CTNNA2: variants seen among roughly 807,000 people sequenced by gnomAD.
The protein encoded by CTNNA2 is catenin alpha-2.
Under a neutral mutation model 101.0 loss-of-function variants are expected in CTNNA2, and 42 were observed. The ratio of observed to expected loss-of-function variants is 0.42; its 90% CI spans 0.32 to 0.54. CTNNA2 has a LOEUF of 0.54. CTNNA2 is among the 20% of genes least tolerant of loss of function. CTNNA2 has a pLI of 0.14. For synonymous variants in CTNNA2, 450 were observed against 456.4 expected (o/e 0.99, Z 0.18); for missense variants, 871 against 1,223.1 (o/e 0.71, Z 4.29).
intron 18 of CTNNA2, among the ~76,000 whole-genome samples, chr2:80,641,414 C>G: frequency 6.6e-6 from 1 of 152,130 alleles, no homozygotes; most frequent in East Asian, 1.9e-4. Context: ...ATTGATCTCT[C>G]TCTCCATGCA....
rs1558755090 is a variant in CTNNA2, at chr2:80,043,098, TCTCTC to T, written c.1056+133302_1056+133306del. On this transcript the variant is annotated intron_variant, in intron 7 of 18. Transcript: ENST00000402739. ...TTCTTTCTTTCTTTCTTTCTTTCTC[TCTCTC>T]TCTCTCTCTTTCTTTCTCCTTCCTT... Among the ~76,000 whole-genome samples the T allele has an allele frequency of 1.6e-3, 39 of 24,584 alleles. 3 individuals carry two copies. The highest frequency in any genetic ancestry group is 7.7e-3 in the African/African-American group (38 of 4,952). 16.1% of individuals were successfully genotyped at this position (24,584 alleles called of 152,430 possible).
At chr2:80,264,435 T>TA (rs1426621325) in intron 7 of CTNNA2, among the ~76,000 whole-genome samples, 1 of 152,154 alleles carries the variant, frequency 6.6e-6, no homozygotes, top group Non-Finnish European at 1.5e-5. Flanking sequence ...TTGTTTCAGG[T>TA]AAAAATGTAT....
intron 4 of CTNNA2, among the ~76,000 whole-genome samples, chr2:79,425,695 T>C (rs940562667): frequency 7.2e-5 from 11 of 152,158 alleles, no homozygotes; most frequent in Admixed American, 5.2e-4. Context: ...ATGGGCCACA[T>C]TCAAACCACA....
At chr2:79,304,655 T>A (rs1005099455) in intron 2 of CTNNA2, among the ~76,000 whole-genome samples, 2 of 152,210 alleles carry the variant, frequency 1.3e-5, no homozygotes, top group Non-Finnish European at 2.9e-5. Context: ...ATGGCACTAT[T>A]GTAAGAACTC....
At chr2:80,228,029 A>G (rs1378978344) in intron 7 of CTNNA2, among the ~76,000 whole-genome samples, 3 of 151,962 alleles carry the variant, frequency 2.0e-5, no homozygotes, top group Admixed American at 1.3e-4. Flanking sequence ...GTTAGTGTAC[A>G]GTGTGTACTG....
intron 1 of CTNNA2, among the ~76,000 whole-genome samples, chr2:79,544,131 T>C (rs1467633647): frequency 6.6e-6 from 1 of 152,174 alleles, no homozygotes; most frequent in Non-Finnish European, 1.5e-5. Context: ...AGTTACAGGG[T>C]TTCACCATAT....
chr2:79,914,162 G>A (rs1229833471), intron 7 of CTNNA2, among the ~76,000 whole-genome samples: 1 of 86,272 alleles, frequency 1.2e-5, no homozygotes. Context: ...GCGAGACTCC[G>A]TCTCAAAAAA....
At chr2:79,320,162 A>G (rs1391359463) in intron 3 of CTNNA2, among the ~76,000 whole-genome samples, 1 of 152,098 alleles carries the variant, frequency 6.6e-6, no homozygotes, top group African/African-American at 2.4e-5. Context: ...AGCTTCATCA[A>G]TGGCTGATGC....
intron 7 of CTNNA2, among the ~76,000 whole-genome samples, chr2:80,032,465 A>G (rs1695353354): frequency 6.6e-6 from 1 of 152,212 alleles, no homozygotes; most frequent in African/African-American, 2.4e-5. Flanking sequence ...TCTATGATCA[A>G]TCATCATCAC....
intron 3 of CTNNA2, among the ~76,000 whole-genome samples, chr2:79,797,884 CATTT>C (rs960203833): frequency 1.2e-4 from 18 of 151,848 alleles, no homozygotes; most frequent in African/African-American, 4.1e-4. Context: ...TTAAATGAAT[CATTT>C]ATTCTTCATT....
chr2:80,162,938 A>G (rs954169320), intron 7 of CTNNA2: 2 of 1,546,078 alleles, frequency 1.3e-6, no homozygotes, highest in Admixed American at 1.7e-5. Flanking sequence ...AATTTCCAAC[A>G]TGATATTGGG....
At chr2:79,662,922 C>T (rs1376369534) in intron 2 of CTNNA2, among the ~76,000 whole-genome samples, 2 of 152,184 alleles carry the variant, frequency 1.3e-5, no homozygotes, top group Non-Finnish European at 2.9e-5. Context: ...CTTTGCTTTA[C>T]TGTTTCCTGG....
rs1348961658 is a variant in CTNNA2 at position 79,762,955 on chromosome 2, G to A, written c.298+18373G>A. Among the ~76,000 whole-genome samples the A allele has an allele frequency of 5.3e-5, 8 of 152,130 alleles. No homozygotes were observed. In the East Asian group the frequency reaches 1.5e-3, roughly 29 times the overall value. On this transcript the variant is annotated intron_variant, in intron 3 of 18. Transcript: ENST00000402739. ...GCTTTTAGCTGTACTGTCGGGCTCT[G>A]TAACAAACTGTTTTTCAGAATTAGC...
intron 3 of CTNNA2, among the ~76,000 whole-genome samples, chr2:79,848,864 G>A (rs1233312677): frequency 6.6e-6 from 1 of 152,166 alleles, no homozygotes; most frequent in Admixed American, 6.5e-5. Context: ...ATTTTGTTAG[G>A]TGAGGAGAGT....
At chr2:80,520,888 G>C (rs1689487396) in intron 9 of CTNNA2, among the ~76,000 whole-genome samples, 2 of 152,176 alleles carry the variant, frequency 1.3e-5, no homozygotes, top group Non-Finnish European at 2.9e-5. Context: ...GGTATTTTCT[G>C]TGAGTTGAGA....
chr2:79,591,867 G>A (rs1676871431), intron 1 of CTNNA2, among the ~76,000 whole-genome samples: 1 of 150,294 alleles, frequency 6.7e-6, no homozygotes, highest in African/African-American at 2.4e-5. Context: ...TGTTATTTTG[G>A]AAGCTGTTTT....
At chr2:79,775,308 A>C (rs745609626) in intron 3 of CTNNA2, among the ~76,000 whole-genome samples, 2 of 152,052 alleles carry the variant, frequency 1.3e-5, no homozygotes, top group African/African-American at 2.4e-5. Context: ...TTTTCTCTCT[A>C]TTTTTAACTT....
At chr2:79,379,862 G>A (rs6709902) in intron 4 of CTNNA2, among the ~76,000 whole-genome samples, 67,251 of 151,858 alleles carry the variant, frequency 0.44, 15,017 homozygotes, top group Non-Finnish European at 0.45. Context: ...AGGAAGAGAG[G>A]GTGGAAGAAA....
At chr2:79,218,311 T>TTGTATGTGTG (rs1674293414) in intron 2 of CTNNA2, among the ~76,000 whole-genome samples, 3 of 114,770 alleles carry the variant, frequency 2.6e-5, no homozygotes, top group Non-Finnish European at 5.2e-5. Context: ...TTCATGAACT[T>TTGTATGTGTG]TGTGTGTGTG....
Sources: allele counts gnomAD v4.1 joint callset (sites outside exome capture counted in the v4.1 genomes callset), GRCh38; gene constraint gnomAD v4.1.1; transcripts MANE v1.5; gene names NCBI Gene and HGNC (gene_info 2026-07-23, HGNC 2026-07-21).